FBXO9: variants seen among roughly 807,000 people sequenced by gnomAD.
FBXO9 encodes the protein F-box only protein 9.
A neutral mutation model predicts 63.7 loss-of-function variants in FBXO9; 43 were observed. That is an observed-to-expected ratio of 0.67 (90% confidence interval 0.53 to 0.87). The LOEUF (loss-of-function observed/expected upper bound fraction) is 0.87. FBXO9 is among the 40% of genes least tolerant of loss of function. The pLI is 0.00. For missense variants in FBXO9, 442 were observed against 533.2 expected, an observed-to-expected ratio of 0.83 and a Z score of 1.68; for synonymous variants, 156 against 171.7, an observed-to-expected ratio of 0.91 and a Z score of 0.72.
chr6:53,089,517 C>G (rs979542401), intron 7 of FBXO9, among the ~76,000 whole-genome samples: 1 of 152,160 alleles, frequency 6.6e-6, no homozygotes, highest in African/African-American at 2.4e-5. Context: ...AATATTTTAT[C>G]CCAGGCATGC....
intron 3 of FBXO9, among the ~76,000 whole-genome samples, chr6:53,075,520 A>C (rs535835398): frequency 6.6e-6 from 1 of 150,886 alleles, no homozygotes; most frequent in Admixed American, 6.6e-5. Flanking sequence ...TGCTGGGATT[A>C]CAGGAGTGAG....
At chr6:53,075,737 ATTT>A (rs1203980167) in intron 3 of FBXO9, among the ~76,000 whole-genome samples, 1 of 102,934 alleles carries the variant, frequency 9.7e-6, no homozygotes, top group Non-Finnish European at 1.8e-5. Flanking sequence ...ATATATAATT[ATTT>A]TTTTTTTTTT....
intron 9 of FBXO9, chr6:53,093,218 T>A (rs1322082658): frequency 2.3e-6 from 1 of 428,564 alleles, no homozygotes; most frequent in Admixed American, 3.9e-5. Context: ...AATATTTGAC[T>A]TTTATTCAGT....
chr6:53,074,971 A>C (rs1019205254), intron 3 of FBXO9, among the ~76,000 whole-genome samples: 2 of 152,190 alleles, frequency 1.3e-5, no homozygotes, highest in African/African-American at 4.8e-5. Context: ...TGAAACCCCA[A>C]GAGTACAATT....
intron 7 of FBXO9, chr6:53,091,828 C>A (rs1374373573): frequency 6.5e-6 from 1 of 152,760 alleles, no homozygotes; most frequent in East Asian, 1.9e-4. Context: ...TGTTTCCACT[C>A]TTATACCACT....
At position 53,075,734 on chromosome 6, in the gene FBXO9, A is replaced by ATTTTTTTTTTTTTTTTTTT. The variant is rs761159029; in HGVS notation, c.250-750_250-749insTTTTTTTTTTTTTTTTTTT. Among the ~76,000 whole-genome samples the ATTTTTTTTTTTTTTTTTTT allele has an allele frequency of 4.9e-5, 4 of 82,178 alleles. 1 individual carries two copies. The highest frequency in any genetic ancestry group is 4.2e-5 in the Non-Finnish European group (2 of 47,454). The allele number at this position is 82,178 out of a possible 152,430, so 53.9% of individuals were successfully genotyped here. On this transcript the variant is annotated intron_variant, in intron 3 of 12. Coordinates refer to ENST00000323557, the MANE Select transcript of FBXO9 (RefSeq NM_033480.3). The stretch of plus-strand genomic sequence containing the variant: ...TAATTGGATTACATATATATATATA[A>ATTTTTTTTTTTTTTTTTTT]TTATTTTTTTTTTTTTTTTTTTTTT...
intron 7 of FBXO9, among the ~76,000 whole-genome samples, chr6:53,088,596 C>CATT: frequency 7.1e-6 from 1 of 140,538 alleles, no homozygotes; most frequent in African/African-American, 2.6e-5. Flanking sequence ...AGTGGTTTGT[C>CATT]TTTTTTTTTT....
intron 4 of FBXO9, 54 bp from the exon 5 acceptor site, chr6:53,078,741 CAAAG>C: frequency 7.6e-7 from 1 of 1,314,228 alleles, no homozygotes; most frequent in Non-Finnish European, 1.1e-6. Context: ...TAAGGGTAAT[CAAAG>C]GAAATGACAA....
chr6:53,066,661 T>G (rs1768710379), intron 1 of FBXO9, among the ~76,000 whole-genome samples: 3 of 152,256 alleles, frequency 2.0e-5, no homozygotes, highest in Admixed American at 2.0e-4. Context: ...CCCCTGCCCC[T>G]AAACTTTCAG....
At chr6:53,080,227 A>G (rs1281855396) in intron 5 of FBXO9, among the ~76,000 whole-genome samples, 1 of 151,178 alleles carries the variant, frequency 6.6e-6, no homozygotes, top group Admixed American at 6.6e-5. Flanking sequence ...ACATGTTTGT[A>G]GAATAGCCAT....
At chr6:53,094,048 G>A (rs1468597629) in intron 11 of FBXO9, 70 bp downstream of exon 11, 2 of 885,784 alleles carry the variant, frequency 2.3e-6, no homozygotes, top group South Asian at 2.4e-5. Flanking sequence ...GTCTCGATTA[G>A]AACAACAACA....
intron 11 of FBXO9, 80 bp downstream of exon 11, chr6:53,094,058 A>G: frequency 2.8e-6 from 2 of 719,526 alleles, no homozygotes; most frequent in Non-Finnish European, 4.3e-6. Flanking sequence ...GAACAACAAC[A>G]AAAAAAACCC....
rs1208695604 is a variant in FBXO9 at position 53,092,779 on chromosome 6, C to G, written c.818C>G (p.Ser273Cys). Residue 273 changes from serine (S) to cysteine (C), a missense_variant, in exon 9 of 13, where the codon TCT becomes TGT. Around this residue, in one of 2 missense-constraint regions of FBXO9, gnomAD observed 262 missense variants for 362.1 expected, o/e 0.72. Transcript: ENST00000323557. Reference protein sequence around the residue: ...KTTYIRQGEQSLDGFYRAWHQ... With the variant: ...KTTYIRQGEQCLDGFYRAWHQ... ...ACATATATTCGTCAAGGGGAACAGT[C>G]TCTTGATGGTTTCTATAGAGCCTGG... The G allele has an allele frequency of 6.2e-7, 1 of 1,612,598 alleles. No individual in the cohort carries two copies. Among genetic ancestry groups the G allele is most frequent in the Non-Finnish European group, 8.5e-7 (1 of 1,179,134 alleles).
In FBXO9 at chr6:53,073,717, G is replaced by T; in HGVS notation, c.249+78G>T. 3 of 1,248,710 alleles carry T rather than the reference G, an allele frequency of 2.4e-6. No individual in the cohort carries two copies. The South Asian group carries it at 4.5e-5, about 19-fold the overall frequency. 77.4% of individuals were successfully genotyped at this position (1,248,710 alleles called of 1,614,324 possible). Reference sequence around the variant, plus strand: ...GAAATTTTCACTGACACAGTAAGTAGGCATTATAACCAGACTTTCGGGACA... The same window carrying T: ...GAAATTTTCACTGACACAGTAAGTATGCATTATAACCAGACTTTCGGGACA... On this transcript the variant is annotated intron_variant, in intron 3 of 12. Coordinates refer to ENST00000323557, the MANE Select transcript of FBXO9 (RefSeq NM_033480.3).
rs1338423630 is a variant in FBXO9 at position 53,099,584 on chromosome 6, T to C, written c.*1754T>C. 6.9e-6 allele frequency: 1 copy of C among 145,202 alleles called. No individual in the cohort carries two copies. The highest frequency in any genetic ancestry group is 6.8e-5 in the Admixed American group (1 of 14,614). 9.0% of individuals were successfully genotyped at this position (145,202 alleles called of 1,614,324 possible). A position where few individuals can be genotyped will look rare whatever the true frequency, so the allele number is the denominator to read the frequency against. On this transcript the variant is annotated 3_prime_UTR_variant, in exon 13 of 13. Coordinates refer to ENST00000323557, the MANE Select transcript of FBXO9 (RefSeq NM_033480.3). Reference sequence around the variant, plus strand: ...AGCAAGACCTCATCTCTTCTAAAAATTAAAAAAAAAAAAAATAGGCATGGT... The same window carrying C: ...AGCAAGACCTCATCTCTTCTAAAAACTAAAAAAAAAAAAAATAGGCATGGT...
Position 53,093,919 on chromosome 6 carries a change from T to A in FBXO9, c.994T>A (p.Ser332Thr). 1 of 1,554,486 alleles carries A rather than the reference T, an allele frequency of 6.4e-7. No individual in the cohort carries two copies. Among genetic ancestry groups the A allele is most frequent in the Non-Finnish European group, 8.7e-7 (1 of 1,148,514 alleles). ...AATTCTACTGGGTCACTATCGCTTG[T>A]CACAAGACACAGACAATCAGACCAA... ...DAILLGHYRL[S>T]QDTDNQTKVF... Residue 332 changes from serine to threonine, a missense_variant, in exon 11 of 13, where the codon TCA (serine) becomes ACA (threonine). Physicochemically the swap from Ser to Thr is moderately conservative, Grantham distance 58 (BLOSUM62 1). Around this residue, in one of 2 missense-constraint regions of FBXO9, gnomAD observed 262 missense variants for 362.1 expected, o/e 0.72. Coordinates refer to ENST00000323557, the MANE Select transcript of FBXO9 (RefSeq NM_033480.3).
intron 12 of FBXO9, 46 bp downstream of exon 12, chr6:53,095,710 A>G: frequency 6.7e-7 from 1 of 1,501,318 alleles, no homozygotes; most frequent in Non-Finnish European, 9.0e-7. Context: ...ATAAATGTAT[A>G]CTTCGTATCC....
rs1243623773 is a variant in FBXO9, at chr6:53,093,103, A to G, written c.863+279A>G. On this transcript the variant is annotated intron_variant, in intron 9 of 12. Coordinates refer to ENST00000323557, the MANE Select transcript of FBXO9 (RefSeq NM_033480.3). ...TTTTATTCCACCTTATTGCTTGCCA[A>G]ATATTATTGTCATTTAGAAAAAAAT... 3 of 391,242 alleles carry G rather than the reference A, an allele frequency of 7.7e-6. No homozygotes were observed. In the South Asian group the frequency reaches 2.4e-4, roughly 31 times the overall value. 24.2% of individuals were successfully genotyped at this position (391,242 alleles called of 1,614,324 possible). A position where few individuals can be genotyped will look rare whatever the true frequency, so the allele number is the denominator to read the frequency against.
chr6:53,076,526 A>G lies in FBXO9; in HGVS notation c.290A>G (p.Asn97Ser). The change falls in exon 4 of 13, where the codon AAT becomes AGT. Residue 97 changes from asparagine (N) to serine (S), a missense_variant. Asn to Ser is a conservative substitution (Grantham distance 46). This residue lies in a region of FBXO9 where 180 missense variants were observed against 171.1 expected (regional missense o/e 1.05). Transcript: ENST00000323557. ...CTAAAAGCAGTAGAAGAAGAACAAA[A>G]TGGAGCTCTCTATGAAGGTAAAAAT... ...LFLKAVEEEQNGALYEAIKFY... is the reference protein window; with the variant it reads ...LFLKAVEEEQSGALYEAIKFY... 1 of 1,551,044 alleles carries G rather than the reference A, an allele frequency of 6.4e-7. No individual in the cohort carries two copies. The highest frequency in any genetic ancestry group is 1.3e-5 in the South Asian group (1 of 78,364).
Sources: allele counts gnomAD v4.1 joint callset (sites outside exome capture counted in the v4.1 genomes callset), GRCh38; gene constraint gnomAD v4.1.1; regional missense constraint gnomAD v4.1.1; transcripts MANE v1.5; gene names NCBI Gene and HGNC (gene_info 2026-07-23, HGNC 2026-07-21).